The following LAMA1 variants were observed in gnomAD, a reference collection of about 807,000 sequenced individuals.
The protein encoded by LAMA1 is laminin subunit alpha 1.
LAMA1 carries 219 observed loss-of-function variants against 348.7 expected under a neutral mutation model. That is an observed-to-expected ratio of 0.63 (90% CI 0.56 to 0.70). The LOEUF (loss-of-function observed/expected upper bound fraction) is 0.70, where lower values mean the gene tolerates loss of function less well. LAMA1 is among the 30% of genes least tolerant of loss of function. LAMA1 has a pLI of 0.00. For synonymous variants in LAMA1, 1,487 were observed against 1,491.0 expected, an observed-to-expected ratio of 1.00 and a Z score of 0.06; for missense variants, 3,744 against 3,888.0, an observed-to-expected ratio of 0.96 and a Z score of 0.99.
chr18:7,048,491 A>C (rs1598296689), intron 5 of LAMA1, among the ~76,000 whole-genome samples: 1 of 151,602 alleles, frequency 6.6e-6, no homozygotes. Context: ...GGCTTCAGTG[A>C]CCCTCCCATT....
intron 33 of LAMA1, among the ~76,000 whole-genome samples, chr18:6,996,581 T>G (rs2057782280): frequency 6.6e-6 from 1 of 152,034 alleles, no homozygotes; most frequent in African/African-American, 2.4e-5. Context: ...AAGACCAGCC[T>G]GCACAACATA....
At chr18:7,084,074 GAA>G (rs35419107) in intron 1 of LAMA1, among the ~76,000 whole-genome samples, 3,537 of 49,374 alleles carry the variant, frequency 0.072, 56 homozygotes, top group African/African-American at 0.2. Context: ...TTCTGTCTCA[GAA>G]AAAAAAAAAA....
chr18:6,974,822 T>C (rs2057674016), intron 46 of LAMA1, 81 bp downstream of exon 46: 2 of 1,542,686 alleles, frequency 1.3e-6, no homozygotes, highest in Admixed American at 1.7e-5. Context: ...CAAAGCCTAT[T>C]ATATGATGTT....
At chr18:6,989,579 A>G (rs1305799163) in intron 36 of LAMA1, among the ~76,000 whole-genome samples, 1 of 152,222 alleles carries the variant, frequency 6.6e-6, no homozygotes, top group Admixed American at 6.5e-5. Context: ...GAGGCCAGAG[A>G]ATACATTTTA....
At position 7,013,829 on chromosome 18, in the gene LAMA1, C is replaced by T. The variant is rs760934324; in HGVS notation, c.3349G>A (p.Ala1117Thr). 5 of 1,611,050 alleles carry T rather than the reference C, an allele frequency of 3.1e-6. No individual in the cohort carries two copies. The highest frequency in any genetic ancestry group is 3.4e-6 in the Non-Finnish European group (4 of 1,178,610). The change falls in exon 23 of 63, where the codon GCC (alanine) becomes ACC (threonine). Residue 1117 changes from alanine to threonine, a missense_variant. Transcript: ENST00000389658. Reference protein sequence around the residue: ...GLCGCVEETGACPCKENVFGP... With the variant: ...GLCGCVEETGTCPCKENVFGP... ...ATGGTAAATACCTTGCAAGGGCAGG[C>T]CCCGGTTTCCTCCACACAGCCGCAG...
At chr18:7,072,824 G>A (rs113988190) in intron 3 of LAMA1, among the ~76,000 whole-genome samples, 167 of 152,196 alleles carry the variant, frequency 1.1e-3, no homozygotes, top group African/African-American at 3.7e-3. Flanking sequence ...AGGCTGGGAC[G>A]CTGCAAATCG....
At chr18:7,116,331 C>T (rs1323437767) in intron 1 of LAMA1, among the ~76,000 whole-genome samples, 1 of 152,208 alleles carries the variant, frequency 6.6e-6, no homozygotes, top group African/African-American at 2.4e-5. Context: ...CAGGAGTCCC[C>T]TCGCAATCCT....
intron 55 of LAMA1, among the ~76,000 whole-genome samples, chr18:6,958,118 A>G (rs995742258): frequency 6.6e-6 from 1 of 152,170 alleles, no homozygotes; most frequent in African/African-American, 2.4e-5. Flanking sequence ...GTAGCCCCAT[A>G]GTAAACAGCT....
At position 7,023,203 on chromosome 18, in the gene LAMA1, C is replaced by T. The variant is rs772531784; in HGVS notation, c.2662G>A (p.Gly888Arg). The change falls in exon 19 of 63, where the codon GGG becomes AGG. Residue 888 changes from glycine to arginine, a missense_variant. Physicochemically the swap from Gly to Arg is moderately radical, Grantham distance 125 (BLOSUM62 -2). Transcript: ENST00000389658. ...DGAHCERCAD[G>R]FYGDAVTAKN... Reference sequence around the variant, plus strand: ...GCTGTCACAGCGTCCCCATAGAACCCGTCAGCACACCTTTCACAGTGGGCG... The same window carrying T: ...GCTGTCACAGCGTCCCCATAGAACCTGTCAGCACACCTTTCACAGTGGGCG... The T allele has an allele frequency of 1.1e-5, 17 of 1,613,348 alleles. No homozygotes were observed. The highest frequency in any genetic ancestry group is 6.7e-5 in the Admixed American group (4 of 59,990).
chr18:7,015,787 G>C lies in LAMA1; in HGVS notation c.3061C>G (p.Gln1021Glu). Residue 1021 changes from glutamine (Q) to glutamate (E), a missense_variant, in exon 22 of 63, where the codon CAG becomes GAG. This residue lies in a region of LAMA1 where 1,529 missense variants were observed against 1,689.4 expected (regional missense o/e 0.91). Coordinates refer to ENST00000389658, the MANE Select transcript of LAMA1 (RefSeq NM_005559.4). ...TGECVCPPHTQGVKCEECEDG... is the reference protein window; with the variant it reads ...TGECVCPPHTEGVKCEECEDG... The stretch of plus-strand genomic sequence containing the variant: ...TCACATTCTTCACACTTCACACCCT[G>C]TGTGTGAGGGGGGCAGACACACTCT... The C allele has an allele frequency of 1.9e-6, 3 of 1,614,084 alleles. No individual in the cohort carries two copies. The highest frequency in any genetic ancestry group is 2.5e-6 in the Non-Finnish European group (3 of 1,180,002).
chr18:6,995,453 A>T lies in LAMA1; in HGVS notation c.4807-7T>A. The stretch of plus-strand genomic sequence containing the variant: ...TTTCTTTTAATAAAGATTCCTAGGA[A>T]GAATGGAGGAAACAAATTACAATGC... On this transcript the variant is annotated splice_polypyrimidine_tract_variant and splice_region_variant and intron_variant, in intron 33 of 62. Transcript: ENST00000389658. 1 of 1,423,050 alleles carries T rather than the reference A, an allele frequency of 7.0e-7. No individual in the cohort carries two copies. Among genetic ancestry groups the T allele is most frequent in the Non-Finnish European group, 9.9e-7 (1 of 1,006,056 alleles). The allele number at this position is 1,423,050 out of a possible 1,614,324, so 88.2% of individuals were successfully genotyped here.
At position 7,040,092 on chromosome 18, in the gene LAMA1, C is replaced by T; in HGVS notation, c.1406G>A (p.Gly469Glu). 1 of 1,614,030 alleles carries T rather than the reference C, an allele frequency of 6.2e-7. No homozygotes were observed. Among genetic ancestry groups the T allele is most frequent in the Non-Finnish European group, 8.5e-7 (1 of 1,180,010 alleles). ...VGSASDEPCT[G>E]PCVCKENVEG... ...CCCACTTACCTTACAAACACAGGGC[C>T]CTGTGCAGGGCTCATCACTGGCACT... The change falls in exon 10 of 63, where the codon GGG becomes GAG. Residue 469 changes from glycine (G) to glutamate (E), a missense_variant. Gly to Glu is a moderately conservative substitution (Grantham distance 98). Transcript: ENST00000389658.
intron 3 of LAMA1, among the ~76,000 whole-genome samples, chr18:7,053,325 G>A (rs2058069368): frequency 6.6e-6 from 1 of 152,164 alleles, no homozygotes; most frequent in East Asian, 1.9e-4. Context: ...GAACCCTCAG[G>A]TAAACTATGG....
At chr18:7,077,629 G>A (rs73938568) in intron 3 of LAMA1, among the ~76,000 whole-genome samples, 4,503 of 152,178 alleles carry the variant, frequency 0.03, 229 homozygotes, top group African/African-American at 0.1. Flanking sequence ...CAAGACAAAG[G>A]ATAGACTTAC....
Position 6,995,388 on chromosome 18 carries a change from A to G in LAMA1, c.4865T>C (p.Val1622Ala), listed in dbSNP as rs2057776836. 6.2e-7 allele frequency: 1 copy of G among 1,613,770 alleles called. No individual in the cohort carries two copies. ...TTGCAGGTTGTCCGTTTCTTCTGCA[A>G]CACCTTCAAGCTTAATTTTTCCCAG... ...KDLGKIKLEGVAEETDNLQKK... is the reference protein window; with the variant it reads ...KDLGKIKLEGAAEETDNLQKK... Residue 1622 changes from valine (V) to alanine (A), a missense_variant, in exon 34 of 63, where the codon GTT (valine) becomes GCT (alanine). This residue lies in a region of LAMA1 where 1,983 missense variants were observed against 1,934.3 expected (regional missense o/e 1.03). Transcript: ENST00000389658.
At chr18:7,112,187 G>C (rs1163319607) in intron 1 of LAMA1, among the ~76,000 whole-genome samples, 1 of 152,108 alleles carries the variant, frequency 6.6e-6, no homozygotes, top group African/African-American at 2.4e-5. Flanking sequence ...AAAAGATCTA[G>C]GAAACACTGC....
rs570850724 is a variant in LAMA1, at chr18:7,085,655, T to C, written c.62-5198A>G. Among the ~76,000 whole-genome samples the C allele has an allele frequency of 0.019, 2,936 of 152,186 alleles. 202 individuals carry two copies. The East Asian group carries it at 0.27, about 14-fold the overall frequency. On this transcript the variant is annotated intron_variant, in intron 1 of 62. Transcript: ENST00000389658. Reference sequence around the variant, plus strand: ...GGATGGTCTCGATCTCCTGACTTCCTGATCCGCCCGCCTCAGCCTCCCAAA... The same window carrying C: ...GGATGGTCTCGATCTCCTGACTTCCCGATCCGCCCGCCTCAGCCTCCCAAA...
At chr18:6,952,280 C>A (rs2057550356) in intron 57 of LAMA1, among the ~76,000 whole-genome samples, 1 of 152,166 alleles carries the variant, frequency 6.6e-6, no homozygotes, top group African/African-American at 2.4e-5. Flanking sequence ...GAGCCCAGTG[C>A]AGGGGGCTCC....
intron 11 of LAMA1, 175 bp downstream of exon 11, chr18:7,038,635 C>A: frequency 1.2e-6 from 1 of 803,978 alleles, no homozygotes; most frequent in Admixed American, 1.8e-5. Context: ...AAGCACATGA[C>A]CTATAAAGAA....
Sources: gnomAD v4.1 joint callset for allele counts (sites outside exome capture counted in the v4.1 genomes callset) on GRCh38, gnomAD v4.1.1 for gene constraint, gnomAD v4.1.1 regional missense constraint, MANE v1.5 for transcripts, NCBI Gene and HGNC (gene_info 2026-07-23, HGNC 2026-07-21) for gene names.